FBXO10: variants seen among roughly 807,000 people sequenced by gnomAD.
FBXO10 encodes the protein F-box protein 10.
FBXO10 carries 39 observed loss-of-function variants against 80.7 expected under a neutral mutation model. That is an observed-to-expected ratio of 0.48 (90% CI 0.37 to 0.63). The LOEUF (loss-of-function observed/expected upper bound fraction) is 0.63, where lower values mean the gene tolerates loss of function less well. Ranked by LOEUF, FBXO10 falls within the 30% of genes least tolerant of loss-of-function variation. FBXO10 has a pLI of 0.00. For missense variants in FBXO10, 1,025 were observed against 1,269.0 expected (o/e 0.81, Z 2.92); for synonymous variants, 449 against 489.6 (o/e 0.92, Z 1.09).
intron 9 of FBXO10, among the ~76,000 whole-genome samples, chr9:37,517,168 G>A (rs1403809763): frequency 6.6e-6 from 1 of 152,084 alleles, no homozygotes; most frequent in African/African-American, 2.4e-5. Flanking sequence ...TAATGACGAA[G>A]AAAAGGCATA....
chr9:37,558,302 G>A (rs183007080), intron 1 of FBXO10, among the ~76,000 whole-genome samples: 1 of 152,274 alleles, frequency 6.6e-6, no homozygotes, highest in Non-Finnish European at 1.5e-5. Context: ...ATTGCTAATG[G>A]TTGGTATTCC....
At chr9:37,514,587 A>G (rs1193257489) in intron 10 of FBXO10, among the ~76,000 whole-genome samples, 1 of 152,046 alleles carries the variant, frequency 6.6e-6, no homozygotes, top group Non-Finnish European at 1.5e-5. Flanking sequence ...TGTAATCTCA[A>G]TACTTTGGGA....
intron 1 of FBXO10, among the ~76,000 whole-genome samples, chr9:37,544,223 C>T (rs528171990): frequency 9.9e-5 from 15 of 152,078 alleles, no homozygotes; most frequent in South Asian, 8.3e-4. Context: ...GAGCCGAGAT[C>T]GTGCCACTAT....
At chr9:37,548,398 T>A (rs1822111128) in intron 1 of FBXO10, among the ~76,000 whole-genome samples, 1 of 151,972 alleles carries the variant, frequency 6.6e-6, no homozygotes, top group African/African-American at 2.4e-5. Flanking sequence ...AAATAAAAAA[T>A]AAAAAAATAG....
chr9:37,575,723 A>AG (rs1822877434), intron 1 of FBXO10: 1 of 152,208 alleles, frequency 6.6e-6, no homozygotes. Flanking sequence ...ACCGTCTGAG[A>AG]GGCTTGAGAT....
chr9:37,575,893 C>A (rs1822883357), intron 1 of FBXO10, among the ~76,000 whole-genome samples: 1 of 152,204 alleles, frequency 6.6e-6, no homozygotes, highest in Non-Finnish European at 1.5e-5. Context: ...TTTACTTACA[C>A]ACTCGAAAAA....
intron 1 of FBXO10, among the ~76,000 whole-genome samples, chr9:37,567,148 CTT>C (rs111249142): frequency 4.4e-5 from 6 of 136,842 alleles, no homozygotes; most frequent in Non-Finnish European, 1.6e-5. Flanking sequence ...TTCTTTTTTT[CTT>C]TTTTTTTTTT....
chr9:37,564,769 C>T (rs896568371), intron 1 of FBXO10, among the ~76,000 whole-genome samples: 5 of 152,198 alleles, frequency 3.3e-5, no homozygotes, highest in Non-Finnish European at 7.3e-5. Context: ...AAGTAACTAG[C>T]TTGCCTTTGA....
chr9:37,546,595 G>A (rs558779638), intron 1 of FBXO10, among the ~76,000 whole-genome samples: 1 of 152,178 alleles, frequency 6.6e-6, no homozygotes, highest in East Asian at 1.9e-4. Context: ...CATGGTCTCT[G>A]TGCTCAAGTT....
intron 1 of FBXO10, among the ~76,000 whole-genome samples, chr9:37,563,028 C>T (rs139215052): frequency 7.7e-4 from 117 of 152,264 alleles, no homozygotes; most frequent in Middle Eastern, 3.4e-3. Context: ...CCCCATGTGT[C>T]AGGGGTGTGA....
rs777052720 is a variant in FBXO10, at chr9:37,521,749, C to A, written c.2020G>T (p.Ala674Ser). ...GAGCCATCCTTCTGGCTAAATACTG[C>A]CACTCCATACAGGCCATTGTAGCTG... The part of the protein sequence containing the change: ...HVSYNGLYGV[A>S]VFSQKDGSSE... Residue 674 changes from alanine (A) to serine (S), a missense_variant, in exon 8 of 11, where the codon GCA becomes TCA. Ala to Ser is a moderately conservative substitution (Grantham distance 99, BLOSUM62 1). This residue lies in a region of FBXO10 where 478 missense variants were observed against 667.8 expected (regional missense o/e 0.72). Transcript: ENST00000432825. The A allele has an allele frequency of 5.6e-6, 9 of 1,613,446 alleles. No homozygotes were observed. In the South Asian group the frequency reaches 6.6e-5, roughly 12 times the overall value.
intron 3 of FBXO10, among the ~76,000 whole-genome samples, chr9:37,534,292 A>AGG (rs1564340812): frequency 4.6e-5 from 7 of 152,220 alleles, no homozygotes; most frequent in African/African-American, 1.7e-4. Context: ...GAGAAAGTAG[A>AGG]AAGAATATAC....
chr9:37,542,153 C>G (rs986062115), intron 1 of FBXO10, among the ~76,000 whole-genome samples: 2 of 152,038 alleles, frequency 1.3e-5, no homozygotes, highest in Non-Finnish European at 2.9e-5. Flanking sequence ...TAAAATACCC[C>G]CTGCCATCTC....
At chr9:37,515,749 C>T (rs1821165032) in intron 10 of FBXO10, 155 bp downstream of exon 10, 2 of 768,676 alleles carry the variant, frequency 2.6e-6, no homozygotes, top group South Asian at 3.5e-5. Context: ...CCGGGCCTGA[C>T]ATAGAGCCAG....
At chr9:37,517,206 CA>C (rs902612441) in intron 9 of FBXO10, among the ~76,000 whole-genome samples, 5 of 152,016 alleles carry the variant, frequency 3.3e-5, no homozygotes, top group African/African-American at 9.7e-5. Flanking sequence ...TTTGGTGACT[CA>C]GGGGGAAGGG....
intron 1 of FBXO10, 57 bp from the exon 2 acceptor site, chr9:37,541,831 C>T: frequency 7.1e-7 from 1 of 1,409,912 alleles, no homozygotes; most frequent in Non-Finnish European, 9.5e-7. Context: ...ACCAGTCCCC[C>T]TTTTTTATTT....
intron 1 of FBXO10, among the ~76,000 whole-genome samples, chr9:37,543,369 G>A (rs1325229825): frequency 1.3e-5 from 2 of 152,172 alleles, no homozygotes; most frequent in Non-Finnish European, 2.9e-5. Flanking sequence ...CCTTTTCCAG[G>A]AGAACAGGAG....
At chr9:37,532,184 C>T (rs553153628) in intron 3 of FBXO10, 126 bp from the exon 4 acceptor site, 26 of 1,009,608 alleles carry the variant, frequency 2.6e-5, no homozygotes, top group East Asian at 5.8e-5. Flanking sequence ...GCAAGAGAAA[C>T]GCCTCAATGC....
chr9:37,539,645 T>A (rs1821864767), intron 2 of FBXO10, among the ~76,000 whole-genome samples: 1 of 152,262 alleles, frequency 6.6e-6, no homozygotes, highest in Non-Finnish European at 1.5e-5. Flanking sequence ...CTTCTGGGCC[T>A]GCAGACCAGC....
Sources: gnomAD v4.1 joint callset for allele counts (sites outside exome capture counted in the v4.1 genomes callset) on GRCh38, gnomAD v4.1.1 for gene constraint, gnomAD v4.1.1 regional missense constraint, MANE v1.5 for transcripts, NCBI Gene and HGNC (gene_info 2026-07-23, HGNC 2026-07-21) for gene names.